The following SLC9A6 variants were observed in gnomAD, a reference collection of about 807,000 sequenced individuals.
The protein encoded by SLC9A6 is sodium/hydrogen exchanger 6.
Under a neutral mutation model 45.3 loss-of-function variants are expected in SLC9A6, and 6 were observed. The ratio of observed to expected loss-of-function variants is 0.13; its 90% confidence interval spans 0.07 to 0.26. The LOEUF (loss-of-function observed/expected upper bound fraction) is 0.26. Ranked by LOEUF, SLC9A6 falls within the 10% of genes least tolerant of loss-of-function variation. The pLI is 1.00. For missense variants in SLC9A6, 278 were observed against 503.7 expected (o/e 0.55, Z 4.29); for synonymous variants, 191 against 187.7 (o/e 1.02, Z -0.14).
intron 2 of SLC9A6, among the ~76,000 whole-genome samples, chrX:135,987,479 G>A (rs782140713): frequency 9.0e-6 from 1 of 111,124 alleles, no homozygotes; most frequent in Non-Finnish European, 1.9e-5. Flanking sequence ...GTAATGAACT[G>A]ATCAGAGATA....
chrX:136,012,119 C>G (rs1432026777), intron 8 of SLC9A6, among the ~76,000 whole-genome samples: 2 of 112,732 alleles, frequency 1.8e-5, no homozygotes, highest in African/African-American at 6.4e-5. Flanking sequence ...AAAAAGTTTC[C>G]AGCTCTAAAA....
chrX:136,026,823 A>G lies in SLC9A6; in HGVS notation c.1461-2063A>G, dbSNP rs374509558. Among the ~76,000 whole-genome samples, 12 of 112,387 alleles carry G rather than the reference A, an allele frequency of 1.1e-4. No individual in the cohort carries two copies. The East Asian group carries it at 2.5e-3, about 24-fold the overall frequency. ...AGTATTGGGATTACAGGCATGAGCC[A>G]TCTCACCCAGCCTCAGTGCTTCTTA... On this transcript the variant is annotated intron_variant, in intron 13 of 17. Transcript: ENST00000630721.
At chrX:135,997,807 C>A (rs149651016) in intron 3 of SLC9A6, among the ~76,000 whole-genome samples, 316 of 109,310 alleles carry the variant, frequency 2.9e-3, no homozygotes, top group African/African-American at 9.9e-3. Flanking sequence ...CTCACTGCAG[C>A]CTCTGCCTCC....
At chrX:136,006,860 TAAC>T (rs1257118434) in intron 7 of SLC9A6, among the ~76,000 whole-genome samples, 1 of 110,919 alleles carries the variant, frequency 9.0e-6, no homozygotes, top group Non-Finnish European at 1.9e-5. Flanking sequence ...CCTATTCAAT[TAAC>T]AAGACATAAC....
At chrX:136,034,465 TTTTA>T (rs2071381278) in intron 16 of SLC9A6, among the ~76,000 whole-genome samples, 1 of 111,680 alleles carries the variant, frequency 9.0e-6, no homozygotes, top group Non-Finnish European at 1.9e-5. Flanking sequence ...CTTTTAAACA[TTTTA>T]TCATTATTAA....
At chrX:136,020,200 G>A (rs1556619762) in intron 11 of SLC9A6, among the ~76,000 whole-genome samples, 1 of 111,677 alleles carries the variant, frequency 9.0e-6, no homozygotes, top group African/African-American at 3.3e-5. Context: ...GTACTGCGTG[G>A]AAGGAAGTTG....
chrX:135,999,972 C>T (rs2089556607), intron 6 of SLC9A6, among the ~76,000 whole-genome samples: 2 of 110,218 alleles, frequency 1.8e-5, no homozygotes, highest in Non-Finnish European at 3.8e-5. Flanking sequence ...TTTGGCTGGA[C>T]ACAGTGGCTC....
chrX:136,039,246 T>C (rs1272588867), intron 16 of SLC9A6, among the ~76,000 whole-genome samples: 1 of 107,804 alleles, frequency 9.3e-6, no homozygotes, highest in East Asian at 2.9e-4. Flanking sequence ...GGCACGTACC[T>C]GCTATGATCA....
At chrX:136,031,843 G>A (rs1312444517) in intron 15 of SLC9A6, among the ~76,000 whole-genome samples, 1 of 111,127 alleles carries the variant, frequency 9.0e-6, no homozygotes, top group Admixed American at 9.6e-5. Flanking sequence ...TTCAAGAGGT[G>A]GAGGCACAGA....
At chrX:136,035,895 T>TG (rs1204101071) in intron 16 of SLC9A6, among the ~76,000 whole-genome samples, 4 of 108,401 alleles carry the variant, frequency 3.7e-5, no homozygotes, top group African/African-American at 1.4e-4. Context: ...CTGGGACTCC[T>TG]GGTGCATGTC....
chrX:136,009,277 T>G (rs1364941586), intron 7 of SLC9A6, among the ~76,000 whole-genome samples: 1 of 111,992 alleles, frequency 8.9e-6, no homozygotes, highest in African/African-American at 3.2e-5. Context: ...TGTTTAACAT[T>G]TTCAATTTAG....
At chrX:135,995,101 A>G (rs2089480138) in intron 3 of SLC9A6, 116 bp downstream of exon 3, 1 of 502,877 alleles carries the variant, frequency 2.0e-6, no homozygotes, top group Non-Finnish European at 3.4e-6. Context: ...GTCTTTTTCA[A>G]TGGAGTAAAA....
At chrX:136,033,011 G>A in intron 15 of SLC9A6, 1 of 139,609 alleles carries the variant, frequency 7.2e-6, no homozygotes, top group South Asian at 1.9e-4. Flanking sequence ...TTACAGGCAG[G>A]CCCCACCACG....
chrX:136,031,326 T>C (rs2071315596), intron 15 of SLC9A6, among the ~76,000 whole-genome samples: 1 of 112,015 alleles, frequency 8.9e-6, no homozygotes, highest in African/African-American at 3.3e-5. Context: ...GGAAAAGGAG[T>C]GACAGGGAGA....
intron 8 of SLC9A6, among the ~76,000 whole-genome samples, chrX:136,011,861 C>T (rs903000309): frequency 1.8e-4 from 20 of 110,892 alleles, no homozygotes; most frequent in South Asian, 3.8e-4. Flanking sequence ...GAGGCCATGG[C>T]GGGCGGATCA....
At chrX:135,976,280 G>A (rs2089262303) in intron 1 of SLC9A6, among the ~76,000 whole-genome samples, 1 of 111,380 alleles carries the variant, frequency 9.0e-6, no homozygotes, top group South Asian at 3.7e-4. Context: ...TCCGCCCCTG[G>A]GAGGTAATAA....
intron 11 of SLC9A6, among the ~76,000 whole-genome samples, chrX:136,017,956 C>T (rs1556619494): frequency 8.9e-6 from 1 of 111,766 alleles, no homozygotes; most frequent in African/African-American, 3.3e-5. Flanking sequence ...GGCTTCTATT[C>T]TTCACGTGGA....
At chrX:136,012,731 G>A (rs1407257742) in intron 8 of SLC9A6, among the ~76,000 whole-genome samples, 2 of 112,412 alleles carry the variant, frequency 1.8e-5, no homozygotes, top group African/African-American at 6.5e-5. Flanking sequence ...AATTGGAGTG[G>A]CTAAGCCGTA....
At chrX:136,011,351 C>T (rs1167549911) in intron 8 of SLC9A6, among the ~76,000 whole-genome samples, 4 of 111,809 alleles carry the variant, frequency 3.6e-5, no homozygotes, top group East Asian at 2.8e-4. Context: ...GCGATTCCCC[C>T]GCCTCAGCCT....
Sources: allele counts gnomAD v4.1 joint callset (sites outside exome capture counted in the v4.1 genomes callset), GRCh38; gene constraint gnomAD v4.1.1; transcripts MANE v1.5; gene names NCBI Gene and HGNC (gene_info 2026-07-23, HGNC 2026-07-21).